Variants in BRPF1 observed in about 807,000 individuals in gnomAD.
BRPF1 encodes bromodomain and PHD finger containing 1, also known as peregrin.
In BRPF1, 15 loss-of-function variants were observed where a neutral mutation model predicts 115.0. The observed-to-expected ratio is 0.13, with a 90% CI of 0.09 to 0.20. BRPF1 has a LOEUF of 0.20. Among genes scored for constraint, BRPF1 ranks in the 10% least tolerant of loss-of-function variants. BRPF1 has a pLI of 1.00. For synonymous variants in BRPF1, 647 were observed against 619.8 expected (o/e 1.04, Z -0.65); for missense variants, 1,118 against 1,638.3 (o/e 0.68, Z 5.48).
Position 9,734,986 on chromosome 3 carries a change from A to C in BRPF1, c.599+247A>C, listed in dbSNP as rs1266490151. On this transcript the variant is annotated intron_variant, in intron 2 of 13. Coordinates refer to ENST00000383829, the MANE Select transcript of BRPF1 (RefSeq NM_001003694.2). The surrounding 1 kb of genome is among the most constrained non-coding windows in gnomAD (Gnocchi z 5.7). ...TTTTTCTCATTTCACAGATGAGGAAACTATGGTCAAGAAAGGGTGCCAGAT... is the reference window on the plus strand; with the variant it reads ...TTTTTCTCATTTCACAGATGAGGAACCTATGGTCAAGAAAGGGTGCCAGAT... Among the ~76,000 whole-genome samples, 1 of 149,788 alleles carries C rather than the reference A, an allele frequency of 6.7e-6. No homozygotes were observed. The highest frequency in any genetic ancestry group is 1.5e-5 in the Non-Finnish European group (1 of 67,592).
chr3:9,745,030 C>T lies in BRPF1; in HGVS notation c.2943C>T (p.Ser981=), dbSNP rs143643881. Reference sequence around the variant, plus strand: ...AAGACTTACCAGCCAATGGCTTCAGCGGTGGAAACCAACCAGTGAAGAAGA... The same window carrying T: ...AAGACTTACCAGCCAATGGCTTCAGTGGTGGAAACCAACCAGTGAAGAAGA... The part of the protein sequence containing the change: ...PPMDLPANGF[S]GGNQPVKKSF... The change falls in exon 10 of 14, where the codon AGC becomes AGT. Residue 981 remains serine (S), a synonymous_variant. Transcript: ENST00000383829. This position sits in a 1 kb window ranked among gnomAD's most constrained non-coding sequence, Gnocchi z 5.1. 173 of 1,614,222 alleles carry T rather than the reference C, an allele frequency of 1.1e-4. 1 individual carries two copies. Among genetic ancestry groups the T allele is most frequent in the African/African-American group, 9.6e-4 (72 of 75,052 alleles).
chr3:9,737,794 G>T (rs1421115886), intron 2 of BRPF1, among the ~76,000 whole-genome samples: 1 of 152,194 alleles, frequency 6.6e-6, no homozygotes, highest in Non-Finnish European at 1.5e-5. Context: ...CCTGCTGGGG[G>T]TTGCTGGAGC....
chr3:9,732,603 G>C (rs1393004714), intron 1 of BRPF1: 1 of 152,246 alleles, frequency 6.6e-6, no homozygotes, highest in African/African-American at 2.4e-5. Context: ...GTGCTACTTT[G>C]GGAACCATTC....
In BRPF1 at chr3:9,739,021, G is replaced by T; in HGVS notation, c.622G>T (p.Glu208Ter). Reference protein sequence around the residue: ...YYRYIEKSAEELDEEVEYDMD... With the variant: ...YYRYIEKSAE ...TAGGTACATCGAGAAGTCTGCAGAG[G>T]AGCTGGACGAGGAAGTAGAGTATGA... Residue 208 changes from glutamate (E) to a stop codon, truncating the protein, a stop_gained, in exon 3 of 14, where the codon GAG becomes TAG. Coordinates refer to ENST00000383829, the MANE Select transcript of BRPF1 (RefSeq NM_001003694.2). LOFTEE classifies it high-confidence loss of function. 1.3e-6 allele frequency: 2 copies of T among 1,583,544 alleles called. No individual in the cohort carries two copies. The highest frequency in any genetic ancestry group is 1.7e-6 in the Non-Finnish European group (2 of 1,162,120).
rs768274011 is a variant in BRPF1 at position 9,734,382 on chromosome 3, T to G, written c.242T>G (p.Val81Gly). ...ANKQSPSPSE[V>G]SQSPGREVMS... ...AAGCAGTCACCCAGCCCCTCAGAGG[T>G]CTCACAGTCACCAGGCCGTGAGGTG... The change falls in exon 2 of 14, where the codon GTC becomes GGC. Residue 81 changes from valine to glycine, a missense_variant. Coordinates refer to ENST00000383829, the MANE Select transcript of BRPF1 (RefSeq NM_001003694.2). The surrounding 1 kb of genome is among the most constrained non-coding windows in gnomAD (Gnocchi z 5.7). 3.1e-6 allele frequency: 5 copies of G among 1,613,700 alleles called. No individual in the cohort carries two copies. The highest frequency in any genetic ancestry group is 8.5e-7 in the Non-Finnish European group (1 of 1,179,944).
intron 13 of BRPF1, 35 bp downstream of exon 13, chr3:9,746,489 A>G: frequency 6.5e-7 from 1 of 1,529,042 alleles, no homozygotes; most frequent in South Asian, 1.3e-5. Flanking sequence ...ACTCACAGCC[A>G]CAGATGCAGC....
At chr3:9,740,748 C>G in intron 3 of BRPF1, 31 bp from the exon 4 acceptor site, 4 of 1,609,268 alleles carry the variant, frequency 2.5e-6, no homozygotes, top group Non-Finnish European at 2.6e-6. Context: ...CAGGGCCCAA[C>G]AAGTTTTACT....
chr3:9,742,661 A>C, intron 6 of BRPF1: 1 of 615,930 alleles, frequency 1.6e-6, no homozygotes, highest in Non-Finnish European at 2.0e-6. Context: ...TTTCTTACTA[A>C]AGCCTCATAT....
At position 9,743,715 on chromosome 3, in the gene BRPF1, A is replaced by G; in HGVS notation, c.2449A>G (p.Met817Val). ...QSVGRSRRAK[M>V]IKKEMTALRR... is the part of the protein sequence containing the mutation. ...TGTGGGCCGCTCACGGCGTGCAAAG[A>G]TGATCAAGAAAGAGATGACGGCACT... Residue 817 changes from methionine to valine, a missense_variant, in exon 8 of 14, where the codon ATG becomes GTG. Physicochemically the swap from Met to Val is conservative, Grantham distance 21 (BLOSUM62 1). Transcript: ENST00000383829. The surrounding 1 kb of genome is among the most constrained non-coding windows in gnomAD (Gnocchi z 6.1). 1.2e-6 allele frequency: 2 copies of G among 1,614,204 alleles called. No homozygotes were observed. The highest frequency in any genetic ancestry group is 1.7e-6 in the Non-Finnish European group (2 of 1,180,040).
In BRPF1 at chr3:9,739,707, C is replaced by G. The variant is rs1476740500; in HGVS notation, c.1308C>G (p.Phe436Leu). 6.2e-7 allele frequency: 1 copy of G among 1,613,572 alleles called. No homozygotes were observed. Among genetic ancestry groups the G allele is most frequent in the African/African-American group, 1.3e-5 (1 of 74,918 alleles). ...AGACAGGCGCCAACGGCACCTCTTTCAGTGTCCGCAAGACAGCCTACTGCG... is the reference window on the plus strand; with the variant it reads ...AGACAGGCGCCAACGGCACCTCTTTGAGTGTCCGCAAGACAGCCTACTGCG... ...VRETGANGTS[F>L]SVRKTAYCDI... The change falls in exon 3 of 14, where the codon TTC becomes TTG. Residue 436 changes from phenylalanine (F) to leucine (L), a missense_variant. Transcript: ENST00000383829.
chr3:9,733,994 T>C, intron 1 of BRPF1, 137 bp from the exon 2 acceptor site: 1 of 1,415,622 alleles, frequency 7.1e-7, no homozygotes, highest in Non-Finnish European at 9.4e-7. Flanking sequence ...GAGATGGCAT[T>C]TGGAGACACT....
chr3:9,747,259 C>T lies in BRPF1; in HGVS notation c.3573C>T (p.Arg1191=). Residue 1191 remains arginine (R), a synonymous_variant, in exon 14 of 14, where the codon CGC becomes CGT. Coordinates refer to ENST00000383829, the MANE Select transcript of BRPF1 (RefSeq NM_001003694.2). The surrounding 1 kb of genome is among the most constrained non-coding windows in gnomAD (Gnocchi z 5.6). ...KMLEGRKSNI[R]KSVQIAYHRA... ...TGGAGGGCCGCAAGTCCAACATCCG[C>T]AAGTCAGTACAGATCGCCTACCACA... is the stretch of plus-strand genomic sequence containing the variant. 1 of 1,614,206 alleles carries T rather than the reference C, an allele frequency of 6.2e-7. No individual in the cohort carries two copies. The highest frequency in any genetic ancestry group is 8.5e-7 in the Non-Finnish European group (1 of 1,180,052).
At chr3:9,738,711 T>C (rs1052854750) in intron 2 of BRPF1, among the ~76,000 whole-genome samples, 1 of 152,226 alleles carries the variant, frequency 6.6e-6, no homozygotes, top group Non-Finnish European at 1.5e-5. Context: ...ATATAGCAGC[T>C]AGGACATGAG....
rs1575167274 is a variant in BRPF1, at chr3:9,745,449, C to T, written c.3069-124C>T. 2.5e-6 allele frequency: 3 copies of T among 1,192,458 alleles called. No homozygotes were observed. Among genetic ancestry groups the T allele is most frequent in the East Asian group, 2.4e-5 (1 of 42,038 alleles). 73.9% of individuals were successfully genotyped at this position (1,192,458 alleles called of 1,614,324 possible). The stretch of plus-strand genomic sequence containing the variant: ...CCTGTGGGTGTTTGAATTTGAAATT[C>T]CTCATATAGCCTCTGCTTTCCAAAA... On this transcript the variant is annotated intron_variant, in intron 10 of 13. Coordinates refer to ENST00000383829, the MANE Select transcript of BRPF1 (RefSeq NM_001003694.2). The surrounding 1 kb of genome is among the most constrained non-coding windows in gnomAD (Gnocchi z 5.1).
intron 5 of BRPF1, among the ~76,000 whole-genome samples, chr3:9,741,822 G>T (rs933237384): frequency 2.6e-5 from 4 of 152,136 alleles, no homozygotes; most frequent in Non-Finnish European, 5.9e-5. Flanking sequence ...AGCTGGTGCT[G>T]GTAGTTCAAG....
intron 6 of BRPF1, 122 bp from the exon 7 acceptor site, chr3:9,742,822 C>T: frequency 9.2e-7 from 1 of 1,090,102 alleles, no homozygotes. Context: ...GTGCTATATG[C>T]CTGCCTCTAA....
In BRPF1 at chr3:9,747,206, A is replaced by G; in HGVS notation, c.3520A>G (p.Asn1174Asp). 1 of 1,614,162 alleles carries G rather than the reference A, an allele frequency of 6.2e-7. No homozygotes were observed. Among genetic ancestry groups the G allele is most frequent in the East Asian group, 2.2e-5 (1 of 44,882 alleles). The change falls in exon 14 of 14, where the codon AAC becomes GAC. Residue 1174 changes from asparagine (N) to aspartate (D), a missense_variant. By Grantham distance (23) the Asn-to-Asp change is conservative. Around this residue, in one of 10 missense-constraint regions of BRPF1, gnomAD observed 76 missense variants for 166.1 expected, o/e 0.46. Transcript: ENST00000383829. The surrounding 1 kb of genome is among the most constrained non-coding windows in gnomAD (Gnocchi z 5.6). ...GACCAAGCTGGTTCCTCTGGGTGTG[A>G]ACCAGGACCTAGACAAGGAGAAGAT... is the stretch of plus-strand genomic sequence containing the variant. ...PRTKLVPLGVNQDLDKEKMLE... is the reference protein window; with the variant it reads ...PRTKLVPLGVDQDLDKEKMLE...
chr3:9,737,909 C>A (rs1010488884), intron 2 of BRPF1, among the ~76,000 whole-genome samples: 2 of 152,082 alleles, frequency 1.3e-5, no homozygotes, highest in Admixed American at 6.5e-5. Flanking sequence ...CTGACAGTTT[C>A]TTTGTGAGTG....
chr3:9,744,100 C>T (rs1281556876), intron 8 of BRPF1, 124 bp from the exon 9 acceptor site: 1 of 1,351,446 alleles, frequency 7.4e-7, no homozygotes. Context: ...TTCCAAGCCC[C>T]TAAAATGATC....
Sources: allele counts gnomAD v4.1 joint callset (sites outside exome capture counted in the v4.1 genomes callset), GRCh38; gene constraint gnomAD v4.1.1; regional missense constraint gnomAD v4.1.1; non-coding constraint Gnocchi (gnomAD v3.1); transcripts MANE v1.5; gene names NCBI Gene and HGNC (gene_info 2026-07-23, HGNC 2026-07-21).